Variants in GPBP1L1 observed in about 807,000 individuals in gnomAD.
GPBP1L1 encodes the protein GC-rich promoter binding protein 1 like 1, also known as vasculin-like protein 1.
A neutral mutation model predicts 52.5 loss-of-function variants in GPBP1L1; 23 were observed. The ratio of observed to expected loss-of-function variants is 0.44; its 90% CI spans 0.32 to 0.62. The LOEUF is 0.62. GPBP1L1 is among the 20% of genes least tolerant of loss of function. The pLI is 0.06. For synonymous variants in GPBP1L1, 243 were observed against 203.1 expected, an observed-to-expected ratio of 1.20 and a Z score of -1.67; for missense variants, 596 against 579.3, an observed-to-expected ratio of 1.03 and a Z score of -0.30.
In GPBP1L1 at chr1:45,643,148, G is replaced by A. The variant is rs1036758568; in HGVS notation, c.478-649C>T. On this transcript the variant is annotated intron_variant, in intron 6 of 12. Transcript: ENST00000355105. ...ATCAGAAAAGGCTTTACTAACAGGT[G>A]ATTTAAGAATCCTTAAAGATGAATT... 4.6e-5 allele frequency among the ~76,000 whole-genome samples: 7 copies of A among 152,292 alleles called. No homozygotes were observed. In the East Asian group the frequency reaches 1.4e-3, roughly 29 times the overall value.
At chr1:45,685,733 G>T (rs1312986277) in intron 1 of GPBP1L1, 113 bp from the exon 2 acceptor site, 1 of 152,162 alleles carries the variant, frequency 6.6e-6, no homozygotes, top group African/African-American at 2.4e-5. Context: ...ACTTCCCCAA[G>T]CTACAGCCAT....
intron 2 of GPBP1L1, among the ~76,000 whole-genome samples, chr1:45,677,676 G>A (rs1043544401): frequency 1.3e-5 from 2 of 152,164 alleles, no homozygotes; most frequent in Non-Finnish European, 2.9e-5. Context: ...TGGGATTTCT[G>A]TACCCATAAG....
At chr1:45,655,342 G>A (rs370505732) in intron 4 of GPBP1L1, 23 bp from the exon 5 acceptor site, 3 of 1,612,730 alleles carry the variant, frequency 1.9e-6, no homozygotes, top group East Asian at 2.2e-5. Flanking sequence ...AGTATGGAGA[G>A]GCAAATGGAT....
chr1:45,631,358 G>C (rs1237573582), intron 10 of GPBP1L1, among the ~76,000 whole-genome samples: 1 of 152,132 alleles, frequency 6.6e-6, no homozygotes, highest in Non-Finnish European at 1.5e-5. Context: ...CGCCTCCCAT[G>C]TTCAAGTGAT....
At position 45,686,438 on chromosome 1, in the gene GPBP1L1, G is replaced by A. The variant is rs910464144; in HGVS notation, c.-1169C>T. On this transcript the variant is annotated 5_prime_UTR_variant, in exon 1 of 13. Coordinates refer to ENST00000355105, the MANE Select transcript of GPBP1L1 (RefSeq NM_021639.5). ...GGGCAGCGGCGGAGCTATGGCCAGG[G>A]ACTAGACGCTGCGTCTGAGGACGCG... 1 of 152,380 alleles carries A rather than the reference G, an allele frequency of 6.6e-6. No individual in the cohort carries two copies. The allele number at this position is 152,380 out of a possible 1,614,324, so 9.4% of individuals were successfully genotyped here.
chr1:45,670,040 G>A (rs1227886304), intron 2 of GPBP1L1, among the ~76,000 whole-genome samples: 3 of 152,170 alleles, frequency 2.0e-5, no homozygotes, highest in African/African-American at 7.2e-5. Context: ...GTGACTAGTA[G>A]GGCAGTACAT....
chr1:45,662,879 C>T (rs189523985), intron 2 of GPBP1L1, among the ~76,000 whole-genome samples: 208 of 151,860 alleles, frequency 1.4e-3, no homozygotes, highest in African/African-American at 4.8e-3. Context: ...GGTGAAACCC[C>T]GTCACTACTA....
At chr1:45,654,412 A>G (rs1194447263) in intron 6 of GPBP1L1, 131 bp downstream of exon 6, 9 of 941,536 alleles carry the variant, frequency 9.6e-6, no homozygotes, top group Non-Finnish European at 1.2e-5. Context: ...TCTTTCCTCT[A>G]AAACAATAAA....
At chr1:45,638,898 T>C (rs1006058897) in intron 8 of GPBP1L1, among the ~76,000 whole-genome samples, 1 of 152,182 alleles carries the variant, frequency 6.6e-6, no homozygotes, top group African/African-American at 2.4e-5. Flanking sequence ...AAAGATGGAT[T>C]AGAGTTTGGC....
In GPBP1L1 at chr1:45,686,403, C is replaced by T. The variant is rs917656910; in HGVS notation, c.-1143+9G>A. 1.3e-5 allele frequency: 2 copies of T among 152,394 alleles called. No homozygotes were observed. The highest frequency in any genetic ancestry group is 1.3e-4 in the Admixed American group (2 of 15,292). The allele number at this position is 152,394 out of a possible 1,614,324, so 9.4% of individuals were successfully genotyped here. ...CTCCTACTGCCCCGTTTCCCAAACT[C>T]CCACTCACCGGGCAGCGGCGGAGCT... On this transcript the variant is annotated intron_variant, in intron 1 of 12. Transcript: ENST00000355105.
At chr1:45,664,098 C>T (rs1644979548) in intron 2 of GPBP1L1, among the ~76,000 whole-genome samples, 1 of 151,920 alleles carries the variant, frequency 6.6e-6, no homozygotes, top group African/African-American at 2.4e-5. Context: ...TTTGGGAGGC[C>T]GAGGTGGGCG....
At chr1:45,678,338 G>A (rs774144683) in intron 2 of GPBP1L1, among the ~76,000 whole-genome samples, 1 of 152,132 alleles carries the variant, frequency 6.6e-6, no homozygotes, top group Non-Finnish European at 1.5e-5. Flanking sequence ...TAAGACCAAC[G>A]ATTGATACGG....
intron 2 of GPBP1L1, among the ~76,000 whole-genome samples, chr1:45,683,327 T>C (rs1297538846): frequency 7.1e-6 from 1 of 141,804 alleles, no homozygotes; most frequent in African/African-American, 2.6e-5. Flanking sequence ...AGCCTCAGCC[T>C]CCCGAGTAGC....
In GPBP1L1 at chr1:45,660,392, A is replaced by G. The variant is rs1001955567; in HGVS notation, c.-264T>C. 4 of 983,742 alleles carry G rather than the reference A, an allele frequency of 4.1e-6. No homozygotes were observed. Among genetic ancestry groups the G allele is most frequent in the Non-Finnish European group, 4.8e-6 (4 of 828,824 alleles). The allele number at this position is 983,742 out of a possible 1,614,324, so 60.9% of individuals were successfully genotyped here. A position where few individuals can be genotyped will look rare whatever the true frequency, so the allele number is the denominator to read the frequency against. ...CTATTTGGTTCCTGACACGTTTCCAAAAGGGGAAAGGGGAAAAGGGGAAGG... is the reference window on the plus strand; with the variant it reads ...CTATTTGGTTCCTGACACGTTTCCAGAAGGGGAAAGGGGAAAAGGGGAAGG... On this transcript the variant is annotated 5_prime_UTR_variant, in exon 3 of 13. Coordinates refer to ENST00000355105, the MANE Select transcript of GPBP1L1 (RefSeq NM_021639.5).
At chr1:45,679,810 G>A (rs922123858) in intron 2 of GPBP1L1, among the ~76,000 whole-genome samples, 31 of 150,874 alleles carry the variant, frequency 2.1e-4, no homozygotes, top group Admixed American at 2.0e-3. Flanking sequence ...CCCATCATGT[G>A]GGGAGGTAAA....
intron 4 of GPBP1L1, among the ~76,000 whole-genome samples, chr1:45,656,484 T>C (rs1478965649): frequency 6.6e-6 from 1 of 152,236 alleles, no homozygotes; most frequent in Non-Finnish European, 1.5e-5. Flanking sequence ...TTTATGGTTT[T>C]AGCTTTTTAA....
chr1:45,644,556 C>T (rs1358847953), intron 6 of GPBP1L1, among the ~76,000 whole-genome samples: 2 of 106,840 alleles, frequency 1.9e-5, no homozygotes, highest in African/African-American at 3.7e-5. Context: ...GTGATCACTG[C>T]ATTTTTTTTT....
chr1:45,679,452 T>A (rs1185357433), intron 2 of GPBP1L1, among the ~76,000 whole-genome samples: 1 of 152,176 alleles, frequency 6.6e-6, no homozygotes, highest in Non-Finnish European at 1.5e-5. Context: ...GTAAAGGGCA[T>A]CTGACTGGCA....
intron 2 of GPBP1L1, among the ~76,000 whole-genome samples, chr1:45,672,117 C>T (rs993482494): frequency 6.6e-5 from 10 of 152,268 alleles, no homozygotes; most frequent in Admixed American, 1.3e-4. Context: ...AATCCCAGCA[C>T]TTTGGGAGGC....
Sources: gnomAD v4.1 joint callset for allele counts (sites outside exome capture counted in the v4.1 genomes callset) on GRCh38, gnomAD v4.1.1 for gene constraint, MANE v1.5 for transcripts, NCBI Gene and HGNC (gene_info 2026-07-23, HGNC 2026-07-21) for gene names.